GRM7: variants seen among roughly 807,000 people sequenced by gnomAD.
The protein encoded by GRM7 is glutamate metabotropic receptor 7.
Under a neutral mutation model 84.5 loss-of-function variants are expected in GRM7, and 35 were observed. The observed-to-expected ratio is 0.41, with a 90% CI of 0.32 to 0.55. The LOEUF is 0.55. Among genes scored for constraint, GRM7 ranks in the 20% least tolerant of loss-of-function variants. The probability of loss-of-function intolerance (pLI) is 0.19; values close to 1 mark genes in which losing one functional copy is unlikely to be tolerated. For missense variants in GRM7, 1,003 were observed against 1,194.6 expected, an observed-to-expected ratio of 0.84 and a Z score of 2.36; for synonymous variants, 487 against 455.1, an observed-to-expected ratio of 1.07 and a Z score of -0.89.
intron 2 of GRM7, among the ~76,000 whole-genome samples, chr3:7,220,132 T>C: frequency 6.6e-6 from 1 of 152,248 alleles, no homozygotes; most frequent in East Asian, 1.9e-4. Context: ...TCAAATACTT[T>C]ATATAGATAC....
At chr3:6,866,006 G>T (rs984076661) in intron 1 of GRM7, among the ~76,000 whole-genome samples, 2 of 152,288 alleles carry the variant, frequency 1.3e-5, no homozygotes, top group East Asian at 3.9e-4. Flanking sequence ...TTTTTAAAAA[G>T]AGCAGAGGGA....
chr3:7,080,706 C>T (rs76240495), intron 1 of GRM7, among the ~76,000 whole-genome samples: 11,788 of 151,528 alleles, frequency 0.078, 589 homozygotes, highest in African/African-American at 0.15. Flanking sequence ...ATACAAACTA[C>T]GTATTTATGT....
At chr3:7,352,040 TCACACACACACACACACCACACACA>T (rs960614039) in intron 4 of GRM7, among the ~76,000 whole-genome samples, 5 of 132,118 alleles carry the variant, frequency 3.8e-5, no homozygotes, top group Non-Finnish European at 6.3e-5. Context: ...TCTCTCTCTC[TCACACACACACACACACCACACACA>T]CACACACACA....
intron 1 of GRM7, among the ~76,000 whole-genome samples, chr3:7,022,396 A>G (rs1247557308): frequency 3.0e-5 from 3 of 101,356 alleles, no homozygotes; most frequent in Non-Finnish European, 6.0e-5. Flanking sequence ...CCAGTGGTCA[A>G]TGATATCTCC....
chr3:7,644,508 T>C (rs1453661688), intron 8 of GRM7, among the ~76,000 whole-genome samples: 1 of 152,166 alleles, frequency 6.6e-6, no homozygotes, highest in East Asian at 1.9e-4. Context: ...GTTACTTAAA[T>C]AATTCAATTC....
At chr3:7,244,039 G>A (rs1697663330) in intron 2 of GRM7, among the ~76,000 whole-genome samples, 2 of 152,150 alleles carry the variant, frequency 1.3e-5, no homozygotes, top group Admixed American at 1.3e-4. Context: ...CAGTGAGTGA[G>A]TGGTGAGTGA....
intron 7 of GRM7, among the ~76,000 whole-genome samples, chr3:7,555,847 G>T (rs1242759318): frequency 3.9e-5 from 6 of 152,120 alleles, no homozygotes; most frequent in African/African-American, 1.4e-4. Flanking sequence ...GTCTCACTAT[G>T]CAGTGAGAAG....
intron 1 of GRM7, among the ~76,000 whole-genome samples, chr3:7,038,047 G>T (rs1490827238): frequency 1.3e-5 from 2 of 152,002 alleles, no homozygotes; most frequent in African/African-American, 4.8e-5. Flanking sequence ...CAATAAAAAG[G>T]GCATTCAAAT....
intron 2 of GRM7, among the ~76,000 whole-genome samples, chr3:7,220,235 G>C (rs1696755217): frequency 6.6e-6 from 1 of 152,184 alleles, no homozygotes; most frequent in Non-Finnish European, 1.5e-5. Flanking sequence ...CCTGGAAAAG[G>C]TGGATGAAGT....
chr3:7,502,726 A>G (rs1188553327), intron 7 of GRM7, among the ~76,000 whole-genome samples: 1 of 152,200 alleles, frequency 6.6e-6, no homozygotes, highest in Non-Finnish European at 1.5e-5. Flanking sequence ...GCAATTAACC[A>G]GCATACACTA....
intron 2 of GRM7, among the ~76,000 whole-genome samples, chr3:7,272,707 T>C (rs1387631719): frequency 2.0e-5 from 3 of 152,030 alleles, no homozygotes; most frequent in Admixed American, 2.0e-4. Flanking sequence ...CTCTTTTTTA[T>C]ATCTGATACT....
chr3:7,706,638 A>T (rs912359721), intron 9 of GRM7, among the ~76,000 whole-genome samples: 10 of 152,206 alleles, frequency 6.6e-5, no homozygotes, highest in Non-Finnish European at 1.2e-4. Context: ...ACATGCAGTC[A>T]TAGACATGTT....
At chr3:7,139,497 G>A (rs935442552) in intron 1 of GRM7, among the ~76,000 whole-genome samples, 1 of 151,926 alleles carries the variant, frequency 6.6e-6, no homozygotes, top group Non-Finnish European at 1.5e-5. Flanking sequence ...TTTTGATTTT[G>A]TAGAGGAGAC....
intron 1 of GRM7, among the ~76,000 whole-genome samples, chr3:6,864,711 TAGA>T (rs1189885774): frequency 6.6e-6 from 1 of 152,140 alleles, no homozygotes; most frequent in Non-Finnish European, 1.5e-5. Flanking sequence ...GACTGTAGGC[TAGA>T]AGAAGGAATA....
intron 4 of GRM7, among the ~76,000 whole-genome samples, chr3:7,403,632 T>TATATATATAC (rs1236520591): frequency 4.1e-5 from 6 of 144,854 alleles, no homozygotes; most frequent in African/African-American, 7.5e-5. Context: ...GATATATATA[T>TATATATATAC]ATATATATAT....
Position 7,627,969 on chromosome 3 carries a change from C to A in GRM7, c.2451+48612C>A, listed in dbSNP as rs116224396. ...GAGGTACTAGTGGTTAGGACTTCAA[C>A]CTATGAATTGTGTGAGAGACAAGAG... On this transcript the variant is annotated intron_variant, in intron 8 of 9. Coordinates refer to ENST00000357716, the MANE Select transcript of GRM7 (RefSeq NM_000844.4). Among the ~76,000 whole-genome samples the A allele has an allele frequency of 8.6e-4, 131 of 152,230 alleles. 1 individual carries two copies. The highest frequency in any genetic ancestry group is 5.7e-4 in the Non-Finnish European group (39 of 68,026).
chr3:7,734,569 G>A (rs1702439100), intron 9 of GRM7, among the ~76,000 whole-genome samples: 1 of 152,140 alleles, frequency 6.6e-6, no homozygotes, highest in Non-Finnish European at 1.5e-5. Context: ...CCACTGGATT[G>A]GAAATTATGG....
intron 9 of GRM7, among the ~76,000 whole-genome samples, chr3:7,687,150 C>T (rs1417087025): frequency 6.6e-6 from 1 of 152,036 alleles, no homozygotes; most frequent in African/African-American, 2.4e-5. Context: ...CCACAAGGGT[C>T]TAAAGATTAG....
At chr3:7,643,958 G>A (rs986138109) in intron 8 of GRM7, among the ~76,000 whole-genome samples, 2 of 151,464 alleles carry the variant, frequency 1.3e-5, no homozygotes, top group Non-Finnish European at 2.9e-5. Flanking sequence ...TCTACATGTG[G>A]TCTTGGAGAG....
Sources: allele counts gnomAD v4.1 joint callset (sites outside exome capture counted in the v4.1 genomes callset), GRCh38; gene constraint gnomAD v4.1.1; transcripts MANE v1.5; gene names NCBI Gene and HGNC (gene_info 2026-07-23, HGNC 2026-07-21).